The following NSG1 variants were observed in gnomAD, a reference collection of about 807,000 sequenced individuals.
The protein encoded by NSG1 is neuronal vesicle trafficking associated 1.
NSG1 carries 9 observed loss-of-function variants against 19.3 expected under a neutral mutation model. That is an observed-to-expected ratio of 0.47 (90% CI 0.28 to 0.81). The LOEUF (loss-of-function observed/expected upper bound fraction) is 0.81. Ranked by LOEUF, NSG1 falls within the 40% of genes least tolerant of loss-of-function variation. The pLI, the probability that NSG1 is intolerant of heterozygous loss-of-function variation, is 0.11. For missense variants in NSG1, 236 were observed against 242.4 expected, an observed-to-expected ratio of 0.97 and a Z score of 0.18; for synonymous variants, 104 against 107.0, an observed-to-expected ratio of 0.97 and a Z score of 0.17.
At chr4:4,416,265 G>A in intron 4 of NSG1, 1 of 700,354 alleles carries the variant, frequency 1.4e-6, no homozygotes, top group Non-Finnish European at 2.6e-6. Context: ...CCTGCCAGTG[G>A]CAGCCCCTGA....
rs766912597 is a variant in NSG1, at chr4:4,391,512, G to A, written c.167G>A (p.Arg56His). 1.4e-5 allele frequency: 23 copies of A among 1,613,104 alleles called. No individual in the cohort carries two copies. The highest frequency in any genetic ancestry group is 1.1e-4 in the South Asian group (10 of 90,960). ...VKTKTEYEPD[R>H]KKGKARPPQI... is the part of the protein sequence containing the mutation. The stretch of plus-strand genomic sequence containing the variant: ...ACTAAGACCGAGTATGAACCTGACC[G>A]CAAGAAAGGGAAAGCACGTCCTCCC... The change falls in exon 3 of 5, where the codon CGC becomes CAC. Residue 56 changes from arginine (R) to histidine (H), a missense_variant. Transcript: ENST00000621129.
At chr4:4,400,414 C>G (rs1723489498) in intron 3 of NSG1, among the ~76,000 whole-genome samples, 1 of 152,136 alleles carries the variant, frequency 6.6e-6, no homozygotes, top group Non-Finnish European at 1.5e-5. Flanking sequence ...TCTTTGTTTT[C>G]AAGACTGGTT....
At chr4:4,401,912 G>A (rs910376699) in intron 3 of NSG1, among the ~76,000 whole-genome samples, 2 of 152,026 alleles carry the variant, frequency 1.3e-5, no homozygotes, top group Admixed American at 6.6e-5. Context: ...ACAGGGCCTC[G>A]CTTTGTCACC....
chr4:4,410,944 G>A (rs1362909185), intron 4 of NSG1, among the ~76,000 whole-genome samples: 1 of 152,194 alleles, frequency 6.6e-6, no homozygotes, highest in African/African-American at 2.4e-5. Context: ...TGCAACATCT[G>A]CCTCCCGGGT....
At chr4:4,390,381 T>G (rs1722930509) in intron 2 of NSG1, among the ~76,000 whole-genome samples, 1 of 152,200 alleles carries the variant, frequency 6.6e-6, no homozygotes, top group Non-Finnish European at 1.5e-5. Context: ...TGGAATGGGC[T>G]CCGCTGTTCT....
At chr4:4,391,711 C>T in intron 3 of NSG1, 120 bp downstream of exon 3, 2 of 561,870 alleles carry the variant, frequency 3.6e-6, no homozygotes, top group Non-Finnish European at 6.3e-6. Context: ...CTCATCCCAG[C>T]TGTGCACACC....
chr4:4,408,612 C>A (rs1723993207), intron 3 of NSG1, among the ~76,000 whole-genome samples: 3 of 152,216 alleles, frequency 2.0e-5, no homozygotes, highest in Admixed American at 6.5e-5. Flanking sequence ...CAGGTGCGCA[C>A]CAACATGCCC....
At position 4,418,886 on chromosome 4, in the gene NSG1, A is replaced by AAATC. The variant is rs1175704729; in HGVS notation, c.*1453_*1456dup. On this transcript the variant is annotated 3_prime_UTR_variant, in exon 5 of 5. Coordinates refer to ENST00000621129, the MANE Select transcript of NSG1 (RefSeq NM_014392.5). Reference sequence around the variant, plus strand: ...CTGTGGAAAATGACTCAAGAGCAATAAATCAGTGCCAAAGCTTCCCTGCGC... The same window carrying AAATC: ...CTGTGGAAAATGACTCAAGAGCAATAAATCAATCAGTGCCAAAGCTTCCCTGCGC... 6.6e-6 allele frequency: 1 copy of AAATC among 152,276 alleles called. No individual in the cohort carries two copies. Among genetic ancestry groups the AAATC allele is most frequent in the African/African-American group, 2.4e-5 (1 of 41,456 alleles). 9.4% of individuals were successfully genotyped at this position (152,276 alleles called of 1,614,324 possible).
chr4:4,387,100 C>T (rs1163827879), upstream of NSG1: 9 of 152,206 alleles, frequency 5.9e-5, no homozygotes, highest in African/African-American at 2.2e-4. Flanking sequence ...GGCGCCGCCT[C>T]CGCCATTGCT....
At chr4:4,405,039 CTG>C (rs1205302873) in intron 3 of NSG1, among the ~76,000 whole-genome samples, 1 of 152,164 alleles carries the variant, frequency 6.6e-6, no homozygotes, top group Non-Finnish European at 1.5e-5. Flanking sequence ...GTACCACAAA[CTG>C]GGGGGACTCA....
At position 4,418,800 on chromosome 4, in the gene NSG1, G is replaced by C. The variant is rs910445820; in HGVS notation, c.*1365G>C. 1 of 152,518 alleles carries C rather than the reference G, an allele frequency of 6.6e-6. No homozygotes were observed. Among genetic ancestry groups the C allele is most frequent in the Admixed American group, 6.5e-5 (1 of 15,288 alleles). The allele number at this position is 152,518 out of a possible 1,614,324, so 9.4% of individuals were successfully genotyped here. Reference sequence around the variant, plus strand: ...CTCATCAAGGGTGTCTGGAGACACAGACCGTGACCTTGGCGCAGCGGTGTG... The same window carrying C: ...CTCATCAAGGGTGTCTGGAGACACACACCGTGACCTTGGCGCAGCGGTGTG... On this transcript the variant is annotated 3_prime_UTR_variant, in exon 5 of 5. Transcript: ENST00000621129.
chr4:4,397,638 T>G (rs557046610), intron 3 of NSG1, among the ~76,000 whole-genome samples: 5 of 152,362 alleles, frequency 3.3e-5, no homozygotes, highest in African/African-American at 1.2e-4. Context: ...AGTGACCATG[T>G]AACTCCTGGC....
At chr4:4,413,987 C>T (rs980974638) in intron 4 of NSG1, among the ~76,000 whole-genome samples, 2 of 152,078 alleles carry the variant, frequency 1.3e-5, no homozygotes, top group Admixed American at 6.6e-5. Flanking sequence ...GGAGCTGGCC[C>T]TGAGCCGGAG....
chr4:4,415,364 C>T (rs2108756900), intron 4 of NSG1, among the ~76,000 whole-genome samples: 1 of 152,246 alleles, frequency 6.6e-6, no homozygotes, highest in Middle Eastern at 3.4e-3. Context: ...GGGGAACCTC[C>T]CCAAGCTCCT....
At chr4:4,406,321 C>G (rs1430043954) in intron 3 of NSG1, among the ~76,000 whole-genome samples, 1 of 152,228 alleles carries the variant, frequency 6.6e-6, no homozygotes, top group East Asian at 1.9e-4. Context: ...GCCACCACGT[C>G]TGCCCCTGAA....
At chr4:4,416,053 ACT>A in intron 4 of NSG1, 1 of 701,706 alleles carries the variant, frequency 1.4e-6, no homozygotes, top group South Asian at 1.5e-5. Flanking sequence ...TTCTGTCCAC[ACT>A]GTGACCTGGG....
intron 2 of NSG1, among the ~76,000 whole-genome samples, chr4:4,391,109 C>T (rs781180061): frequency 6.6e-6 from 1 of 152,196 alleles, no homozygotes; most frequent in Admixed American, 6.5e-5. Context: ...GTGCAGCCTC[C>T]CAGCTTCCTG....
intron 3 of NSG1, among the ~76,000 whole-genome samples, chr4:4,404,377 C>T (rs768215825): frequency 3.3e-5 from 5 of 152,222 alleles, no homozygotes; most frequent in Non-Finnish European, 7.3e-5. Flanking sequence ...GTCTCCTGCA[C>T]ACCCCATCAT....
chr4:4,418,948 G>A lies in NSG1; in HGVS notation c.*1513G>A, dbSNP rs547156482. On this transcript the variant is annotated 3_prime_UTR_variant, in exon 5 of 5. Coordinates refer to ENST00000621129, the MANE Select transcript of NSG1 (RefSeq NM_014392.5). ...CACAAGTGAAGCCCGTGTGCGCACA[G>A]TGCAGAGGCCGAGCCTGTATTTCCA... The A allele has an allele frequency of 4.6e-5, 7 of 152,396 alleles. No individual in the cohort carries two copies. The highest frequency in any genetic ancestry group is 1.7e-4 in the African/African-American group (7 of 41,594). 9.4% of individuals were successfully genotyped at this position (152,396 alleles called of 1,614,324 possible).
Sources: gnomAD v4.1 joint callset for allele counts (sites outside exome capture counted in the v4.1 genomes callset) on GRCh38, gnomAD v4.1.1 for gene constraint, MANE v1.5 for transcripts, NCBI Gene and HGNC (gene_info 2026-07-23, HGNC 2026-07-21) for gene names.